The following AQR variants were observed in gnomAD, a reference collection of about 807,000 sequenced individuals.
AQR encodes the protein aquarius intron-binding spliceosomal factor.
Under a neutral mutation model 180.5 loss-of-function variants are expected in AQR, and 61 were observed. That is an observed-to-expected ratio of 0.34 (90% confidence interval 0.28 to 0.42). AQR has a LOEUF of 0.42. Among genes scored for constraint, AQR ranks in the 10% least tolerant of loss-of-function variants. AQR has a pLI of 1.00. For missense variants in AQR, 1,281 were observed against 1,798.3 expected (o/e 0.71, Z 5.20); for synonymous variants, 551 against 588.8 (o/e 0.94, Z 0.93).
At chr15:34,870,209 C>T (rs1039559366) in intron 31 of AQR, 2 of 152,092 alleles carry the variant, frequency 1.3e-5, no homozygotes, top group African/African-American at 4.8e-5. Context: ...TTTTACATAG[C>T]CATGTTCATA....
chr15:34,950,367 T>C (rs1003382910), intron 4 of AQR, among the ~76,000 whole-genome samples: 1 of 152,056 alleles, frequency 6.6e-6, no homozygotes, highest in Non-Finnish European at 1.5e-5. Context: ...GGATTACAGG[T>C]GTAAGCCACC....
intron 12 of AQR, among the ~76,000 whole-genome samples, chr15:34,928,556 A>C (rs1428083984): frequency 6.6e-6 from 1 of 152,162 alleles, no homozygotes; most frequent in Non-Finnish European, 1.5e-5. Flanking sequence ...ATAGTATTCC[A>C]TGGTGTATAT....
At chr15:34,946,501 C>T (rs1262482447) in intron 5 of AQR, among the ~76,000 whole-genome samples, 5 of 140,808 alleles carry the variant, frequency 3.6e-5, no homozygotes, top group Non-Finnish European at 4.7e-5. Flanking sequence ...GCCCCCCGCC[C>T]GGCCAGCCGC....
At chr15:34,950,795 TTTTA>T (rs1484009403) in intron 4 of AQR, among the ~76,000 whole-genome samples, 1 of 152,156 alleles carries the variant, frequency 6.6e-6, no homozygotes, top group Non-Finnish European at 1.5e-5. Context: ...TTTACCAAGG[TTTTA>T]TTTATAGAGT....
At chr15:34,893,169 G>A (rs1893176679) in intron 23 of AQR, among the ~76,000 whole-genome samples, 1 of 152,142 alleles carries the variant, frequency 6.6e-6, no homozygotes, top group Admixed American at 6.5e-5. Flanking sequence ...TTCTGCAGGT[G>A]GGTGCTACCT....
At chr15:34,895,801 C>A (rs1227021364) in intron 22 of AQR, among the ~76,000 whole-genome samples, 1 of 152,064 alleles carries the variant, frequency 6.6e-6, no homozygotes. Context: ...AAACAACAGA[C>A]AGAAAATCAG....
rs1489802734 is a variant in AQR at position 34,870,755 on chromosome 15, G to A, written c.3765C>T (p.Asn1255=). ...CATATTATAATTATAAAAGTACCTT[G>A]TTTGGTCTTCCAATCAATGGATTGT... The part of the protein sequence containing the change: ...CGNNPLIGRP[N]KVTTVDRFQG... Residue 1255 remains asparagine (N), a synonymous_variant, in exon 31 of 35, where the codon AAC becomes AAT. Transcript: ENST00000156471. 6.2e-7 allele frequency: 1 copy of A among 1,609,784 alleles called. No homozygotes were observed. Among genetic ancestry groups the A allele is most frequent in the Non-Finnish European group, 8.5e-7 (1 of 1,178,286 alleles).
At chr15:34,908,084 T>C (rs550542933) in intron 17 of AQR, among the ~76,000 whole-genome samples, 2 of 152,352 alleles carry the variant, frequency 1.3e-5, no homozygotes, top group East Asian at 3.9e-4. Flanking sequence ...GGGCTTGAGG[T>C]TCACACCTTT....
intron 11 of AQR, among the ~76,000 whole-genome samples, chr15:34,930,814 A>G (rs1488664266): frequency 8.6e-6 from 1 of 116,050 alleles, no homozygotes; most frequent in African/African-American, 3.7e-5. Flanking sequence ...TTTATACGCC[A>G]CTTCTTTTTT....
At chr15:34,918,410 G>C (rs1893629611) in intron 14 of AQR, 32 bp from the exon 15 acceptor site, 1 of 1,593,100 alleles carries the variant, frequency 6.3e-7, no homozygotes, top group Non-Finnish European at 8.5e-7. Flanking sequence ...CATGCAGAAG[G>C]TTAGAAGCAT....
rs796512449 is a variant in AQR at position 34,893,879 on chromosome 15, T to C, written c.2461-106A>G. On this transcript the variant is annotated intron_variant, in intron 22 of 34. Coordinates refer to ENST00000156471, the MANE Select transcript of AQR (RefSeq NM_014691.3). ...TGAAAGATAAAATTAACAAATTCAG[T>C]AGATGGGCCCAATAACAGAATGAAC... 16 of 878,370 alleles carry C rather than the reference T, an allele frequency of 1.8e-5. No homozygotes were observed. The African/African-American group carries it at 2.0e-4, about 11-fold the overall frequency. 54.4% of individuals were successfully genotyped at this position (878,370 alleles called of 1,614,324 possible).
chr15:34,960,071 C>CA (rs1185594646), intron 3 of AQR, among the ~76,000 whole-genome samples: 4 of 152,210 alleles, frequency 2.6e-5, no homozygotes, highest in African/African-American at 9.6e-5. Context: ...AAATAAAGAA[C>CA]AAAATCCTGA....
At chr15:34,933,833 C>T (rs1893902477) in intron 10 of AQR, among the ~76,000 whole-genome samples, 1 of 152,162 alleles carries the variant, frequency 6.6e-6, no homozygotes, top group Non-Finnish European at 1.5e-5. Flanking sequence ...TCATATAGAC[C>T]AGGCACGGTG....
chr15:34,966,689 G>A (rs1047496377), intron 1 of AQR, among the ~76,000 whole-genome samples: 3 of 152,136 alleles, frequency 2.0e-5, no homozygotes, highest in Non-Finnish European at 2.9e-5. Flanking sequence ...TTGTCAAATG[G>A]ATACATAAGT....
Position 34,855,173 on chromosome 15 carries a change from T to G in AQR, c.*1619A>C, listed in dbSNP as rs1303306403. The G allele has an allele frequency of 6.6e-6, 1 of 152,258 alleles. No homozygotes were observed. The highest frequency in any genetic ancestry group is 1.5e-5 in the Non-Finnish European group (1 of 68,052). 9.4% of individuals were successfully genotyped at this position (152,258 alleles called of 1,614,324 possible). A position where few individuals can be genotyped will look rare whatever the true frequency, so the allele number is the denominator to read the frequency against. On this transcript the variant is annotated 3_prime_UTR_variant, in exon 35 of 35. Coordinates refer to ENST00000156471, the MANE Select transcript of AQR (RefSeq NM_014691.3). ...CCTGACATTGACACAAATGTCCTGA[T>G]GCAGTAGGATACATCATAAAATGAG... is the stretch of plus-strand genomic sequence containing the variant.
chr15:34,965,002 C>T (rs1219415482), intron 1 of AQR, among the ~76,000 whole-genome samples: 4 of 152,074 alleles, frequency 2.6e-5, no homozygotes, highest in Non-Finnish European at 5.9e-5. Context: ...AAAAAGGTGA[C>T]TACTCTGCAG....
intron 2 of AQR, among the ~76,000 whole-genome samples, chr15:34,961,350 G>A (rs1056077956): frequency 1.3e-5 from 2 of 152,062 alleles, no homozygotes; most frequent in African/African-American, 2.4e-5. Context: ...GGTGGCTCAC[G>A]ACTGTAATCC....
At chr15:34,896,289 T>C (rs1037446434) in intron 22 of AQR, among the ~76,000 whole-genome samples, 12 of 152,166 alleles carry the variant, frequency 7.9e-5, no homozygotes, top group Non-Finnish European at 1.5e-4. Flanking sequence ...CATTACACAA[T>C]GTATACAGTC....
At chr15:34,925,988 A>C (rs1893756965) in intron 13 of AQR, among the ~76,000 whole-genome samples, 1 of 151,988 alleles carries the variant, frequency 6.6e-6, no homozygotes, top group African/African-American at 2.4e-5. Context: ...TAACACGGTG[A>C]AACCCCGTCT....
Sources: allele counts gnomAD v4.1 joint callset (sites outside exome capture counted in the v4.1 genomes callset), GRCh38; gene constraint gnomAD v4.1.1; transcripts MANE v1.5; gene names NCBI Gene and HGNC (gene_info 2026-07-23, HGNC 2026-07-21).